The following GALNT13 variants were observed in gnomAD, a reference collection of about 807,000 sequenced individuals.
GALNT13 encodes polypeptide N-acetylgalactosaminyltransferase 13, also known as UDP-GalNAc:polypeptide N-acetylgalactosaminyltransferase 13.
A neutral mutation model predicts 64.2 loss-of-function variants in GALNT13; 28 were observed. The ratio of observed to expected loss-of-function variants is 0.44; its 90% confidence interval spans 0.32 to 0.60. The LOEUF (loss-of-function observed/expected upper bound fraction) is 0.60, where lower values mean the gene tolerates loss of function less well. Ranked by LOEUF, GALNT13 falls within the 20% of genes least tolerant of loss-of-function variation. The probability of loss-of-function intolerance (pLI) is 0.05; values close to 1 mark genes in which losing one functional copy is unlikely to be tolerated. For missense variants in GALNT13, 577 were observed against 669.8 expected, an observed-to-expected ratio of 0.86 and a Z score of 1.53; for synonymous variants, 214 against 224.6, an observed-to-expected ratio of 0.95 and a Z score of 0.42.
At chr2:153,372,775 C>T in the GALNT13 span, among the ~76,000 whole-genome samples, 1 of 152,124 alleles carries the variant, frequency 6.6e-6, no homozygotes, top group Admixed American at 6.5e-5. Flanking sequence ...TAAATGTTGC[C>T]TCTATCCTGA....
At chr2:153,779,533 T>C in the GALNT13 span, among the ~76,000 whole-genome samples, 1 of 152,166 alleles carries the variant, frequency 6.6e-6, no homozygotes, top group African/African-American at 2.4e-5. Context: ...CTCTTTTAAC[T>C]TCAACTACTG....
At chr2:153,600,183 G>A in the GALNT13 span, among the ~76,000 whole-genome samples, 1 of 152,012 alleles carries the variant, frequency 6.6e-6, no homozygotes, top group Non-Finnish European at 1.5e-5. Context: ...CCGTGTACAT[G>A]CAGCCTCTGT....
At chr2:153,660,280 A>T in the GALNT13 span, among the ~76,000 whole-genome samples, 382 of 152,236 alleles carry the variant, frequency 2.5e-3, 3 homozygotes, top group Non-Finnish European at 3.5e-3. Flanking sequence ...AGCCAGGCAG[A>T]CTTGACATTG....
the GALNT13 span, among the ~76,000 whole-genome samples, chr2:153,493,887 A>G: frequency 6.6e-6 from 1 of 152,002 alleles, no homozygotes; most frequent in African/African-American, 2.4e-5. Flanking sequence ...TTGCATAACT[A>G]TAGAGGAATA....
chr2:154,102,822 G>A (rs916628532), intron 3 of GALNT13, among the ~76,000 whole-genome samples: 13 of 152,102 alleles, frequency 8.5e-5, no homozygotes, highest in Non-Finnish European at 1.3e-4. Flanking sequence ...TGGGTATAGA[G>A]TGCGTATGTA....
chr2:153,853,660 C>T, the GALNT13 span, among the ~76,000 whole-genome samples: 1 of 151,130 alleles, frequency 6.6e-6, no homozygotes, highest in East Asian at 1.9e-4. Context: ...GTAATATACA[C>T]TGTGTGATTC....
chr2:153,289,693 T>C, the GALNT13 span, among the ~76,000 whole-genome samples: 2 of 152,298 alleles, frequency 1.3e-5, no homozygotes, highest in South Asian at 2.1e-4. Flanking sequence ...ATACAGACTA[T>C]AGTATCTCAG....
the GALNT13 span, among the ~76,000 whole-genome samples, chr2:153,537,230 G>T: frequency 6.6e-6 from 1 of 152,280 alleles, no homozygotes; most frequent in Admixed American, 6.5e-5. Context: ...GATGAAAATT[G>T]AACTTGGCCT....
At chr2:153,643,456 AAAATAGTTCTATAAACACT>A in the GALNT13 span, among the ~76,000 whole-genome samples, 1 of 151,626 alleles carries the variant, frequency 6.6e-6, no homozygotes, top group Non-Finnish European at 1.5e-5. Context: ...TGTAAAAGTC[AAAATAGTTCTATAAACACT>A]AAATAAATGG....
At chr2:153,529,646 A>T in the GALNT13 span, among the ~76,000 whole-genome samples, 2 of 151,978 alleles carry the variant, frequency 1.3e-5, no homozygotes, top group Middle Eastern at 3.4e-3. Context: ...TATTGATATA[A>T]ATATCCTCAA....
At chr2:153,917,101 C>G (rs1452365470) in intron 2 of GALNT13, among the ~76,000 whole-genome samples, 1 of 151,576 alleles carries the variant, frequency 6.6e-6, no homozygotes, top group Non-Finnish European at 1.5e-5. Context: ...ACCTATTTAA[C>G]AGCTTTAAAA....
At chr2:154,417,170 G>A (rs1700045570) in intron 11 of GALNT13, among the ~76,000 whole-genome samples, 1 of 151,000 alleles carries the variant, frequency 6.6e-6, no homozygotes, top group Admixed American at 6.6e-5. Context: ...ATAATTTTCA[G>A]TGTAGTTTCC....
chr2:153,518,763 G>T, the GALNT13 span, among the ~76,000 whole-genome samples: 2 of 152,046 alleles, frequency 1.3e-5, no homozygotes, highest in Non-Finnish European at 2.9e-5. Flanking sequence ...TAAATGTTTA[G>T]TGGGTTCCTA....
At chr2:154,255,620 A>T (rs1396370164) in intron 7 of GALNT13, among the ~76,000 whole-genome samples, 1 of 152,136 alleles carries the variant, frequency 6.6e-6, no homozygotes, top group African/African-American at 2.4e-5. Context: ...AGACAAGAGG[A>T]GAGAGGAGGC....
the GALNT13 span, among the ~76,000 whole-genome samples, chr2:153,219,064 A>G: frequency 1.3e-5 from 2 of 152,246 alleles, no homozygotes; most frequent in African/African-American, 4.8e-5. Context: ...TTGCACTTTC[A>G]ATCAGACTTC....
At chr2:154,211,629 C>CAAAAAAAAAAAAAAAAA (rs140095331) in intron 4 of GALNT13, among the ~76,000 whole-genome samples, 10 of 37,930 alleles carry the variant, frequency 2.6e-4, no homozygotes, top group South Asian at 1.7e-3. Context: ...ACTCCATCTC[C>CAAAAAAAAAAAAAAAAA]AAAAAAAAAA....
the GALNT13 span, among the ~76,000 whole-genome samples, chr2:153,584,174 T>A: frequency 6.6e-6 from 1 of 152,140 alleles, no homozygotes; most frequent in African/African-American, 2.4e-5. Flanking sequence ...AGTGCATCAG[T>A]GGTTGCTCCT....
At chr2:153,098,672 A>C in the GALNT13 span, among the ~76,000 whole-genome samples, 12 of 152,188 alleles carry the variant, frequency 7.9e-5, no homozygotes, top group Non-Finnish European at 1.8e-4. Context: ...ATGGATATGC[A>C]ACAATTTATC....
At chr2:153,796,407 C>A in the GALNT13 span, among the ~76,000 whole-genome samples, 4 of 152,152 alleles carry the variant, frequency 2.6e-5, no homozygotes, top group Non-Finnish European at 5.9e-5. Context: ...TTATATCTGT[C>A]ATAACTCAAA....
Sources: gnomAD v4.1 joint callset for allele counts (sites outside exome capture counted in the v4.1 genomes callset) on GRCh38, gnomAD v4.1.1 for gene constraint, MANE v1.5 for transcripts, NCBI Gene and HGNC (gene_info 2026-07-23, HGNC 2026-07-21) for gene names.